CPA6: variants seen among roughly 807,000 people sequenced by gnomAD.
CPA6 encodes carboxypeptidase A6.
In CPA6, 58 loss-of-function variants were observed where a neutral mutation model predicts 63.3. That is an observed-to-expected ratio of 0.92 (90% CI 0.74 to 1.14). The LOEUF (loss-of-function observed/expected upper bound fraction) is 1.14. CPA6 is among the 50% of genes most tolerant of loss of function. CPA6 has a pLI of 0.00. For missense variants in CPA6, 565 were observed against 526.6 expected, an observed-to-expected ratio of 1.07 and a Z score of -0.71; for synonymous variants, 185 against 179.0, an observed-to-expected ratio of 1.03 and a Z score of -0.27.
At chr8:67,673,595 T>C (rs1027224590) in intron 1 of CPA6, among the ~76,000 whole-genome samples, 1 of 149,970 alleles carries the variant, frequency 6.7e-6, no homozygotes, top group African/African-American at 2.5e-5. Context: ...GGTTTCACCG[T>C]GTTAGCCAGG....
At chr8:67,488,732 G>T (rs1811540091) in intron 6 of CPA6, among the ~76,000 whole-genome samples, 1 of 152,146 alleles carries the variant, frequency 6.6e-6, no homozygotes, top group African/African-American at 2.4e-5. Context: ...ATTTCGTTGA[G>T]CGGTGGTTTG....
intron 2 of CPA6, among the ~76,000 whole-genome samples, chr8:67,594,443 T>TG (rs1481169052): frequency 6.6e-6 from 1 of 152,206 alleles, no homozygotes; most frequent in African/African-American, 2.4e-5. Context: ...CTTGCTAGAT[T>TG]GGGGAAGTTC....
At chr8:67,505,734 G>C (rs1811913873) in intron 6 of CPA6, among the ~76,000 whole-genome samples, 1 of 152,062 alleles carries the variant, frequency 6.6e-6, no homozygotes, top group Non-Finnish European at 1.5e-5. Context: ...TTGTGGTTTT[G>C]GTAGTGGCAG....
rs542942318 is a variant in CPA6 at position 67,682,090 on chromosome 8, G to A, written c.117-57839C>T. Among the ~76,000 whole-genome samples, 38 of 147,544 alleles carry A rather than the reference G, an allele frequency of 2.6e-4. 1 individual carries two copies. In the East Asian group the frequency reaches 7.7e-3, roughly 30 times the overall value. On this transcript the variant is annotated intron_variant, in intron 1 of 10. Coordinates refer to ENST00000297770, the MANE Select transcript of CPA6 (RefSeq NM_020361.5). ...ATTTTCTCTTTATTTGTGGTTTTAA[G>A]TAATTTGCTAATGTTGGACCTTAGT...
intron 2 of CPA6, among the ~76,000 whole-genome samples, chr8:67,587,165 G>C (rs1371169077): frequency 6.6e-6 from 1 of 152,194 alleles, no homozygotes; most frequent in Non-Finnish European, 1.5e-5. Flanking sequence ...TAGTAAAGGG[G>C]GCCTTGAAAT....
chr8:67,503,124 T>C (rs1288726265), intron 6 of CPA6, among the ~76,000 whole-genome samples: 1 of 151,802 alleles, frequency 6.6e-6, no homozygotes, highest in Admixed American at 6.6e-5. Context: ...CTGCAACCTC[T>C]GCCCCCTTGG....
At chr8:67,576,758 A>G (rs1212208886) in intron 2 of CPA6, among the ~76,000 whole-genome samples, 1 of 152,108 alleles carries the variant, frequency 6.6e-6, no homozygotes, top group East Asian at 1.9e-4. Flanking sequence ...CATTCTTATC[A>G]CTTTACAATG....
At chr8:67,508,327 A>T (rs1004868693) in intron 5 of CPA6, among the ~76,000 whole-genome samples, 12 of 152,118 alleles carry the variant, frequency 7.9e-5, no homozygotes, top group Admixed American at 6.6e-5. Context: ...GATGATGTCC[A>T]TGTTTCTGAA....
chr8:67,446,278 A>C (rs77698315), intron 8 of CPA6, among the ~76,000 whole-genome samples: 3 of 151,876 alleles, frequency 2.0e-5, no homozygotes, highest in African/African-American at 7.3e-5. Context: ...AAAAAAAAAA[A>C]AGTAGTCATT....
At chr8:67,743,635 ATTT>A (rs34308089) in intron 1 of CPA6, among the ~76,000 whole-genome samples, 2 of 149,996 alleles carry the variant, frequency 1.3e-5, no homozygotes, top group African/African-American at 4.9e-5. Flanking sequence ...TCCCAAGGCA[ATTT>A]TTTTTTTCTG....
intron 1 of CPA6, among the ~76,000 whole-genome samples, chr8:67,732,379 T>A (rs1279427660): frequency 6.6e-6 from 1 of 152,202 alleles, no homozygotes; most frequent in Admixed American, 6.5e-5. Flanking sequence ...CCTGTCCCCC[T>A]TCCTTCCTCG....
chr8:67,488,326 T>C (rs1811529064), intron 6 of CPA6, among the ~76,000 whole-genome samples: 1 of 152,246 alleles, frequency 6.6e-6, no homozygotes, highest in South Asian at 2.1e-4. Flanking sequence ...TCCCCATTGC[T>C]TGTTTTTGTC....
chr8:67,571,597 T>C (rs910358195), intron 2 of CPA6, among the ~76,000 whole-genome samples: 1 of 151,982 alleles, frequency 6.6e-6, no homozygotes, highest in Non-Finnish European at 1.5e-5. Flanking sequence ...TACTTAGCAA[T>C]GAAGGTCAAT....
intron 1 of CPA6, among the ~76,000 whole-genome samples, chr8:67,683,951 A>G (rs1475352632): frequency 6.7e-6 from 1 of 148,538 alleles, no homozygotes; most frequent in Non-Finnish European, 1.5e-5. Context: ...CAGCTGCTTG[A>G]GAAGCTGGGA....
In CPA6 at chr8:67,665,978, C is replaced by T. The variant is rs549337048; in HGVS notation, c.117-41727G>A. Reference sequence around the variant, plus strand: ...CAAAATATACATGTCCTCTTAGAGTCCACGCCTCTCTTCCATCTCTATAGG... The same window carrying T: ...CAAAATATACATGTCCTCTTAGAGTTCACGCCTCTCTTCCATCTCTATAGG... On this transcript the variant is annotated intron_variant, in intron 1 of 10. Coordinates refer to ENST00000297770, the MANE Select transcript of CPA6 (RefSeq NM_020361.5). 7.9e-5 allele frequency among the ~76,000 whole-genome samples: 12 copies of T among 152,286 alleles called. No individual in the cohort carries two copies. The East Asian group carries it at 2.3e-3, about 29-fold the overall frequency.
intron 2 of CPA6, among the ~76,000 whole-genome samples, chr8:67,570,488 A>G (rs1036482685): frequency 6.6e-6 from 1 of 152,228 alleles, no homozygotes; most frequent in African/African-American, 2.4e-5. Flanking sequence ...AATTGTTAAT[A>G]ACAACTAGAG....
intron 6 of CPA6, among the ~76,000 whole-genome samples, chr8:67,502,872 T>C (rs994657322): frequency 6.6e-6 from 1 of 152,218 alleles, no homozygotes; most frequent in African/African-American, 2.4e-5. Context: ...TTATACTTGT[T>C]GAGGTCTATG....
At chr8:67,434,417 G>T (rs1254571243) in intron 8 of CPA6, among the ~76,000 whole-genome samples, 177 bp from the exon 9 acceptor site, 1 of 152,182 alleles carries the variant, frequency 6.6e-6, no homozygotes. Flanking sequence ...GGTGATTGAA[G>T]TTCCCATGCA....
intron 2 of CPA6, among the ~76,000 whole-genome samples, chr8:67,585,531 A>G (rs148274015): frequency 1.5e-3 from 227 of 152,298 alleles, no homozygotes; most frequent in East Asian, 5.4e-3. Flanking sequence ...CATTCTCGGT[A>G]GATAAGAAAT....
Sources: gnomAD v4.1 joint callset for allele counts (sites outside exome capture counted in the v4.1 genomes callset) on GRCh38, gnomAD v4.1.1 for gene constraint, MANE v1.5 for transcripts, NCBI Gene and HGNC (gene_info 2026-07-23, HGNC 2026-07-21) for gene names.